The following DOCK1 variants were observed in gnomAD, a reference collection of about 807,000 sequenced individuals.
DOCK1 encodes dedicator of cytokinesis protein 1.
Under a neutral mutation model 262.7 loss-of-function variants are expected in DOCK1, and 138 were observed. That is an observed-to-expected ratio of 0.53 (90% CI 0.46 to 0.61). DOCK1 has a LOEUF of 0.61. DOCK1 is among the 20% of genes least tolerant of loss of function. DOCK1 has a pLI of 0.00. For missense variants in DOCK1, 1,908 were observed against 2,370.7 expected (o/e 0.80, Z 4.05); for synonymous variants, 866 against 867.4 (o/e 1.00, Z 0.03).
At chr10:126,935,341 G>A (rs1055975351) in intron 1 of DOCK1, among the ~76,000 whole-genome samples, 6 of 152,194 alleles carry the variant, frequency 3.9e-5, no homozygotes, top group African/African-American at 7.2e-5. Context: ...CAGTAGGGCC[G>A]GAAGTTGGAG....
At chr10:126,957,385 C>T (rs1248729478) in intron 1 of DOCK1, among the ~76,000 whole-genome samples, 5 of 152,178 alleles carry the variant, frequency 3.3e-5, no homozygotes, top group African/African-American at 1.2e-4. Context: ...TCCAAAAGTG[C>T]AAACGCCTCC....
chr10:127,125,712 C>T (rs2049909441), intron 26 of DOCK1, 111 bp downstream of exon 26: 6 of 1,443,098 alleles, frequency 4.2e-6, no homozygotes, highest in Non-Finnish European at 5.5e-6. Flanking sequence ...TAAGGTCTAG[C>T]CTCTCTTTTT....
chr10:126,947,819 GTGGT>G (rs2035654221), intron 1 of DOCK1, among the ~76,000 whole-genome samples: 1 of 108,410 alleles, frequency 9.2e-6, no homozygotes, highest in Admixed American at 8.5e-5. Flanking sequence ...GGTGGTGGTG[GTGGT>G]TGGTAGTATT....
chr10:126,972,421 G>T (rs530189824), intron 2 of DOCK1, among the ~76,000 whole-genome samples: 2 of 152,164 alleles, frequency 1.3e-5, no homozygotes, highest in Non-Finnish European at 2.9e-5. Context: ...AGATCTGGAG[G>T]TTTTGGTGAG....
At chr10:127,311,005 A>G (rs190154384) in intron 29 of DOCK1, among the ~76,000 whole-genome samples, 53 of 152,318 alleles carry the variant, frequency 3.5e-4, no homozygotes, top group African/African-American at 1.3e-3. Context: ...AGTGTGTTTT[A>G]TTTGTTAGTA....
At chr10:127,381,701 A>C (rs2065834436) in intron 37 of DOCK1, among the ~76,000 whole-genome samples, 1 of 152,138 alleles carries the variant, frequency 6.6e-6, no homozygotes, top group Non-Finnish European at 1.5e-5. Context: ...GAACAATATC[A>C]AGAAGGAATT....
chr10:127,405,927 C>T (rs987933471), intron 40 of DOCK1, among the ~76,000 whole-genome samples: 2 of 152,166 alleles, frequency 1.3e-5, no homozygotes, highest in African/African-American at 4.8e-5. Flanking sequence ...ATAAAGGAGG[C>T]TTAGTTACAA....
At chr10:126,983,271 A>G (rs116494986) in intron 4 of DOCK1, among the ~76,000 whole-genome samples, 2,565 of 152,218 alleles carry the variant, frequency 0.017, 79 homozygotes, top group African/African-American at 0.059. Context: ...CTAGCTGCCC[A>G]ACAGCTCCTT....
intron 27 of DOCK1, among the ~76,000 whole-genome samples, chr10:127,188,604 G>C (rs1036727212): frequency 5.9e-5 from 9 of 152,150 alleles, no homozygotes; most frequent in African/African-American, 2.2e-4. Context: ...TTGCTAACGT[G>C]GTTAATTTCT....
intron 32 of DOCK1, among the ~76,000 whole-genome samples, chr10:127,355,923 G>A (rs1282924137): frequency 2.0e-5 from 3 of 152,206 alleles, no homozygotes; most frequent in Non-Finnish European, 2.9e-5. Flanking sequence ...TCTCAGGAAT[G>A]GAAAGCCACA....
At position 127,361,311 on chromosome 10, in the gene DOCK1, TCA is replaced by T. The variant is rs111796157; in HGVS notation, c.3284-751_3284-750del. 7.2e-5 allele frequency among the ~76,000 whole-genome samples: 11 copies of T among 152,146 alleles called. 1 individual carries two copies. The highest frequency in any genetic ancestry group is 1.4e-4 in the African/African-American group (6 of 41,510). ...TTGTATTTTTAGTAGAGACGGTGTC[TCA>T]CCGTGTTAGCCAGGATGGTCTCGAT... On this transcript the variant is annotated intron_variant, in intron 32 of 51. Transcript: ENST00000623213.
At position 127,026,364 on chromosome 10, in the gene DOCK1, A is replaced by T. The variant is rs1427018541; in HGVS notation, c.1564A>T (p.Ile522Phe). Residue 522 changes from isoleucine to phenylalanine, a missense_variant, in exon 16 of 52, where the codon ATC becomes TTC. Physicochemically the swap from Ile to Phe is conservative, Grantham distance 21. Around this residue, in one of 9 missense-constraint regions of DOCK1, gnomAD observed 294 missense variants for 439.9 expected, o/e 0.67. Transcript: ENST00000623213. ...TCAATTCTTGAAGGTGGCCATTCCC[A>T]TCGAGGACGTTAACCGCAGTCACCT... is the stretch of plus-strand genomic sequence containing the variant. ...WFETVKVAIP[I>F]EDVNRSHLRF... 6.4e-7 allele frequency: 1 copy of T among 1,569,308 alleles called. No homozygotes were observed. Among genetic ancestry groups the T allele is most frequent in the Non-Finnish European group, 8.7e-7 (1 of 1,155,606 alleles).
intron 12 of DOCK1, chr10:127,015,209 GAAAGA>G (rs2041774997): frequency 6.6e-6 from 1 of 151,362 alleles, no homozygotes; most frequent in Non-Finnish European, 1.5e-5. Flanking sequence ...AAAAAAAAAG[GAAAGA>G]AAAGAAACAC....
chr10:126,958,103 C>G (rs1248881895), intron 1 of DOCK1, among the ~76,000 whole-genome samples: 2 of 152,170 alleles, frequency 1.3e-5, no homozygotes, highest in Non-Finnish European at 2.9e-5. Flanking sequence ...CTTTCTGGAT[C>G]TCTTCCTATC....
At chr10:127,010,116 T>C (rs1334561265) in intron 11 of DOCK1, among the ~76,000 whole-genome samples, 3 of 152,194 alleles carry the variant, frequency 2.0e-5, no homozygotes, top group Non-Finnish European at 4.4e-5. Flanking sequence ...GCTTAAATGC[T>C]TTAGGTTTAC....
In DOCK1 at chr10:127,383,415, C is replaced by T. The variant is rs567390335; in HGVS notation, c.3808-1375C>T. Among the ~76,000 whole-genome samples, 5 of 152,320 alleles carry T rather than the reference C, an allele frequency of 3.3e-5. No individual in the cohort carries two copies. The South Asian group carries it at 8.3e-4, about 25-fold the overall frequency. On this transcript the variant is annotated intron_variant, in intron 37 of 51. Transcript: ENST00000623213. Reference sequence around the variant, plus strand: ...TAGTTTTGCTTTTATTCTCCATCCTCCAATAAAAGTAGACCAATTATGTTG... The same window carrying T: ...TAGTTTTGCTTTTATTCTCCATCCTTCAATAAAAGTAGACCAATTATGTTG...
At chr10:127,022,862 A>G (rs763571273) in intron 13 of DOCK1, among the ~76,000 whole-genome samples, 39 of 152,242 alleles carry the variant, frequency 2.6e-4, no homozygotes, top group Non-Finnish European at 3.2e-4. Context: ...ACAAGGGACA[A>G]TGGTGTGGGC....
chr10:126,982,035 T>G, intron 4 of DOCK1, 62 bp downstream of exon 4: 1 of 1,560,170 alleles, frequency 6.4e-7, no homozygotes, highest in Non-Finnish European at 8.8e-7. Flanking sequence ...CTTGCTGCTC[T>G]TTTGTACGAT....
rs34175019 is a variant in DOCK1, at chr10:127,439,224, C to T, written c.5258C>T (p.Thr1753Met). 3,127 of 1,607,672 alleles carry T rather than the reference C, an allele frequency of 1.9e-3. 52 individuals are homozygous for T. In the African/African-American group the frequency reaches 0.037, roughly 19 times the overall value. The stretch of plus-strand genomic sequence containing the variant: ...TCTGAGGCTGTGATCCTTTCGGAAA[C>T]GGTAACCCGACAGGGTATCTTTCCT... ...QQSEAVILSETISPLRPQRPK... is the reference protein window; with the variant it reads ...QQSEAVILSEMISPLRPQRPK... Residue 1753 changes from threonine to methionine, a missense_variant and splice_region_variant, in exon 49 of 52, where the codon ACG (threonine) becomes ATG (methionine). Thr to Met is a moderately conservative substitution (Grantham distance 81). Coordinates refer to ENST00000623213, the MANE Select transcript of DOCK1 (RefSeq NM_001290223.2).
Sources: allele counts gnomAD v4.1 joint callset (sites outside exome capture counted in the v4.1 genomes callset), GRCh38; gene constraint gnomAD v4.1.1; regional missense constraint gnomAD v4.1.1; transcripts MANE v1.5; gene names NCBI Gene and HGNC (gene_info 2026-07-23, HGNC 2026-07-21).